The following SRSF5 variants were observed in gnomAD, a reference collection of about 807,000 sequenced individuals.
SRSF5 encodes serine and arginine rich splicing factor 5.
In SRSF5, 5 loss-of-function variants were observed where a neutral mutation model predicts 34.0. The observed-to-expected ratio is 0.15, with a 90% CI of 0.08 to 0.31. SRSF5 has a LOEUF of 0.31. SRSF5 is among the 10% of genes least tolerant of loss of function. The pLI, the probability that SRSF5 is intolerant of heterozygous loss-of-function variation, is 1.00. For missense variants in SRSF5, 223 were observed against 351.4 expected, an observed-to-expected ratio of 0.63 and a Z score of 2.92; for synonymous variants, 164 against 117.7, an observed-to-expected ratio of 1.39 and a Z score of -2.55.
chr14:69,769,047 A>T, intron 4 of SRSF5, 135 bp from the exon 5 acceptor site: 1 of 1,289,916 alleles, frequency 7.8e-7, no homozygotes, highest in Non-Finnish European at 1.1e-6. Flanking sequence ...AATCTATATG[A>T]GTCATAGAAC....
At chr14:69,768,755 G>A in intron 3 of SRSF5, 43 bp from the exon 4 acceptor site, 2 of 1,611,896 alleles carry the variant, frequency 1.2e-6, no homozygotes, top group South Asian at 1.1e-5. Context: ...GTAGATTTAT[G>A]TAGCTTAAGT....
chr14:69,767,201 C>A lies in SRSF5; in HGVS notation c.-74C>A. 2.8e-6 allele frequency: 1 copy of A among 357,102 alleles called. No homozygotes were observed. Among genetic ancestry groups the A allele is most frequent in the South Asian group, 2.1e-5 (1 of 47,382 alleles). The allele number at this position is 357,102 out of a possible 1,614,324, so 22.1% of individuals were successfully genotyped here. On this transcript the variant is annotated 5_prime_UTR_variant, in exon 1 of 8. Transcript: ENST00000557154. ...TGGTCTGCGTGGAGGTCGACGACTCCGTCGCAGACTACGGACCTGTCTGGG... is the reference window on the plus strand; with the variant it reads ...TGGTCTGCGTGGAGGTCGACGACTCAGTCGCAGACTACGGACCTGTCTGGG...
At chr14:69,768,554 T>G (rs777107902) in intron 2 of SRSF5, 50 bp from the exon 3 acceptor site, 4 of 1,551,702 alleles carry the variant, frequency 2.6e-6, no homozygotes, top group Non-Finnish European at 3.6e-6. Flanking sequence ...TAATGTGTTG[T>G]AGAATACTCT....
chr14:69,767,872 C>T (rs1306967882), intron 1 of SRSF5: 6 of 419,676 alleles, frequency 1.4e-5, no homozygotes, highest in East Asian at 5.3e-5. Flanking sequence ...GCCGGAGAGC[C>T]CGGAGAGTGT....
rs1215287504 is a variant in SRSF5, at chr14:69,769,061, A to T, written c.297-121A>T. 6 of 1,345,750 alleles carry T rather than the reference A, an allele frequency of 4.5e-6. No individual in the cohort carries two copies. In the African/African-American group the frequency reaches 8.7e-5, roughly 19 times the overall value. The allele number at this position is 1,345,750 out of a possible 1,614,324, so 83.4% of individuals were successfully genotyped here. A position where few individuals can be genotyped will look rare whatever the true frequency, so the allele number is the denominator to read the frequency against. ...GAATCTATATGAGTCATAGAACACA[A>T]ATCTATTGACGGAAGTCATTAGAAT... On this transcript the variant is annotated intron_variant, in intron 4 of 7. Transcript: ENST00000557154.
chr14:69,767,820 C>T (rs1882703926), intron 1 of SRSF5: 1 of 361,148 alleles, frequency 2.8e-6, no homozygotes, highest in African/African-American at 2.1e-5. Flanking sequence ...GCGGCTCCGC[C>T]CGCACTTCTC....
intron 5 of SRSF5, 74 bp from the exon 6 acceptor site, chr14:69,770,389 CTTGT>C (rs1883056862): frequency 6.4e-7 from 1 of 1,562,412 alleles, no homozygotes; most frequent in Non-Finnish European, 8.6e-7. Context: ...TTTCAGTAGT[CTTGT>C]TTTTTTTATA....
Position 69,771,122 on chromosome 14 carries a change from A to G in SRSF5, c.551+17A>G. On this transcript the variant is annotated intron_variant, in intron 7 of 7. Coordinates refer to ENST00000557154, the MANE Select transcript of SRSF5 (RefSeq NM_001320214.2). ...AAGGCACAGGTATCTCTAATTTTTT[A>G]AAGTCAAAAGTTGTATTTAATGGGT... 2.5e-6 allele frequency: 4 copies of G among 1,612,600 alleles called. No homozygotes were observed. Among genetic ancestry groups the G allele is most frequent in the Non-Finnish European group, 3.4e-6 (4 of 1,179,560 alleles).
chr14:69,768,586 C>G lies in SRSF5; in HGVS notation c.127-18C>G, dbSNP rs765017653. Reference sequence around the variant, plus strand: ...CTCTTCTAAAGCCAATGTTAAGAGTCTTATGCTTACATTTTAGGAATTTGA... The same window carrying G: ...CTCTTCTAAAGCCAATGTTAAGAGTGTTATGCTTACATTTTAGGAATTTGA... On this transcript the variant is annotated intron_variant, in intron 2 of 7. Coordinates refer to ENST00000557154, the MANE Select transcript of SRSF5 (RefSeq NM_001320214.2). 34 of 1,612,340 alleles carry G rather than the reference C, an allele frequency of 2.1e-5. No individual in the cohort carries two copies. The highest frequency in any genetic ancestry group is 2.7e-5 in the Non-Finnish European group (32 of 1,178,518).
At chr14:69,768,116 C>G in intron 1 of SRSF5, 22 bp from the exon 2 acceptor site, 1 of 1,613,028 alleles carries the variant, frequency 6.2e-7, no homozygotes, top group Non-Finnish European at 8.5e-7. Context: ...GCTATTATCT[C>G]GATTGAATTA....
intron 6 of SRSF5, 190 bp from the exon 7 acceptor site, chr14:69,770,805 C>T (rs936825094): frequency 9.1e-6 from 6 of 662,364 alleles, no homozygotes; most frequent in Admixed American, 9.0e-5. Context: ...AGGGAACCCC[C>T]TCAACAATGA....
chr14:69,771,386 T>A lies in SRSF5; in HGVS notation c.744T>A (p.Ser248=), dbSNP rs766646211. The A allele has an allele frequency of 6.2e-7, 1 of 1,614,244 alleles. No homozygotes were observed. The highest frequency in any genetic ancestry group is 8.5e-7 in the Non-Finnish European group (1 of 1,180,046). The change falls in exon 8 of 8, where the codon TCT becomes TCA. Residue 248 remains serine (S), a synonymous_variant. Coordinates refer to ENST00000557154, the MANE Select transcript of SRSF5 (RefSeq NM_001320214.2). ...KSQKRGSSSR[S]KSPASVDRQR... ...AGAAACGTGGTTCTTCAAGTAGATC[T>A]AAGTCTCCAGCATCTGTGGATCGCC...
At chr14:69,769,572 G>T (rs1275151782) in intron 5 of SRSF5, 1 of 1,535,326 alleles carries the variant, frequency 6.5e-7, no homozygotes, top group Non-Finnish European at 8.7e-7. Flanking sequence ...TCGTTGTCTT[G>T]GTCACTCTTG....
In SRSF5 at chr14:69,768,309, T is replaced by C. The variant is rs527797415; in HGVS notation, c.126+27T>C. ...TAAGTATTTAGAACTGGGTGAATTATCTGCTAAGTAGGTAGAGTTTTGATA... is the reference window on the plus strand; with the variant it reads ...TAAGTATTTAGAACTGGGTGAATTACCTGCTAAGTAGGTAGAGTTTTGATA... On this transcript the variant is annotated intron_variant, in intron 2 of 7. Transcript: ENST00000557154. 13 of 1,613,606 alleles carry C rather than the reference T, an allele frequency of 8.1e-6. No homozygotes were observed. The East Asian group carries it at 2.5e-4, about 30-fold the overall frequency.
At chr14:69,768,378 C>A in intron 2 of SRSF5, 96 bp downstream of exon 2, 1 of 1,530,406 alleles carries the variant, frequency 6.5e-7, no homozygotes, top group Non-Finnish European at 8.9e-7. Context: ...TATTTGCCTT[C>A]AGAAAATGTT....
At chr14:69,768,486 C>T in intron 2 of SRSF5, 118 bp from the exon 3 acceptor site, 1 of 1,236,202 alleles carries the variant, frequency 8.1e-7, no homozygotes, top group Non-Finnish European at 1.2e-6. Flanking sequence ...TTAGGTTTGA[C>T]TGTATGGCAG....
Position 69,770,644 on chromosome 14 carries a change from C to T in SRSF5, c.440+104C>T, listed in dbSNP as rs1178814696. Reference sequence around the variant, plus strand: ...TTGAATATGTTAGAATGCAGAGATTCTCCAGAGACAATTTTGCTGCTTCCC... The same window carrying T: ...TTGAATATGTTAGAATGCAGAGATTTTCCAGAGACAATTTTGCTGCTTCCC... On this transcript the variant is annotated intron_variant, in intron 6 of 7. Coordinates refer to ENST00000557154, the MANE Select transcript of SRSF5 (RefSeq NM_001320214.2). 7 of 1,085,458 alleles carry T rather than the reference C, an allele frequency of 6.4e-6. No homozygotes were observed. In the South Asian group the frequency reaches 9.9e-5, roughly 15 times the overall value. The allele number at this position is 1,085,458 out of a possible 1,614,324, so 67.2% of individuals were successfully genotyped here.
In SRSF5 at chr14:69,768,152, A is replaced by G. The variant is rs751132715; in HGVS notation, c.-5A>G. ...CTTTCTAATAGGAAGTACTAGCCGGACATCATGAGTGGCTGTCGGGTATTC... is the reference window on the plus strand; with the variant it reads ...CTTTCTAATAGGAAGTACTAGCCGGGCATCATGAGTGGCTGTCGGGTATTC... On this transcript the variant is annotated 5_prime_UTR_variant, in exon 2 of 8. Transcript: ENST00000557154. The G allele has an allele frequency of 1.5e-5, 25 of 1,614,060 alleles. No individual in the cohort carries two copies. Among genetic ancestry groups the G allele is most frequent in the Non-Finnish European group, 2.0e-5 (24 of 1,180,030 alleles).
At position 69,771,652 on chromosome 14, in the gene SRSF5, T is replaced by C; in HGVS notation, c.*191T>C. On this transcript the variant is annotated 3_prime_UTR_variant, in exon 8 of 8. Coordinates refer to ENST00000557154, the MANE Select transcript of SRSF5 (RefSeq NM_001320214.2). Reference sequence around the variant, plus strand: ...AGGGGTTGTTGAAAACTAATTGTATTAAATGTCTTTTGATAAGCCTTCTGC... The same window carrying C: ...AGGGGTTGTTGAAAACTAATTGTATCAAATGTCTTTTGATAAGCCTTCTGC... 1.6e-6 allele frequency: 1 copy of C among 641,838 alleles called. No homozygotes were observed. The highest frequency in any genetic ancestry group is 2.6e-6 in the Non-Finnish European group (1 of 384,720). 39.8% of individuals were successfully genotyped at this position (641,838 alleles called of 1,614,324 possible).
Sources: allele counts gnomAD v4.1 joint callset, GRCh38; gene constraint gnomAD v4.1.1; transcripts MANE v1.5; gene names NCBI Gene and HGNC (gene_info 2026-07-23, HGNC 2026-07-21).